SELENOS: variants seen among roughly 807,000 people sequenced by gnomAD.
SELENOS encodes the protein VCP interacting membrane selenoprotein.
SELENOS carries 37 observed loss-of-function variants against 30.2 expected under a neutral mutation model. The observed-to-expected ratio is 1.23, with a 90% CI of 0.94 to 1.61. The LOEUF is 1.61. Among genes scored for constraint, SELENOS ranks in the 40% most tolerant of loss-of-function variants. SELENOS has a pLI of 0.00. For missense variants in SELENOS, 289 were observed against 231.8 expected (o/e 1.25, Z -1.60); for synonymous variants, 119 against 91.6 (o/e 1.30, Z -1.71).
Position 101,272,576 on chromosome 15 carries a change from G to T in SELENOS, c.*195C>A. ...CAATCACTGTCTCCAAGTAGAATGT[G>T]ACCAATGACCTCATGCCTAGAGGCA... On this transcript the variant is annotated 3_prime_UTR_variant, in exon 6 of 6. Transcript: ENST00000526049. The T allele has an allele frequency of 1.9e-6, 1 of 537,640 alleles. No individual in the cohort carries two copies. 33.3% of individuals were successfully genotyped at this position (537,640 alleles called of 1,614,324 possible). A position where few individuals can be genotyped will look rare whatever the true frequency, so the allele number is the denominator to read the frequency against.
At position 101,272,763 on chromosome 15, in the gene SELENOS, C is replaced by T; in HGVS notation, c.*8G>A. 6.2e-7 allele frequency: 1 copy of T among 1,603,038 alleles called. No individual in the cohort carries two copies. The highest frequency in any genetic ancestry group is 8.5e-7 in the Non-Finnish European group (1 of 1,174,758). On this transcript the variant is annotated 3_prime_UTR_variant, in exon 6 of 6. Transcript: ENST00000526049. ...TTGCTAATGTCAAAAGTGACACTAA[C>T]AAGATTCTTAGCCTCATCCGCCAGA...
rs1291175263 is a variant in SELENOS, at chr15:101,274,441, T to G, written c.463A>C (p.Arg155=). The G allele has an allele frequency of 2.5e-6, 4 of 1,608,956 alleles. No individual in the cohort carries two copies. The highest frequency in any genetic ancestry group is 2.5e-6 in the Non-Finnish European group (3 of 1,177,494). ...TTACCTCCTCCCCGCAAAGGCTTTC[T>G]GTCCGATTTCCGTTTCAGGACAGAT... ...TSSVLKRKSD[R]KPLRGGGYNP... Residue 155 remains arginine, a synonymous_variant, in exon 5 of 6, where the codon AGA becomes CGA. Transcript: ENST00000526049.
chr15:101,274,979 G>GCA (rs74782847), intron 3 of SELENOS: 17 of 557,776 alleles, frequency 3.0e-5, no homozygotes, highest in Non-Finnish European at 4.1e-5. Context: ...ACAGGCACAT[G>GCA]CACACACACA....
Position 101,272,964 on chromosome 15 carries a change from G to C in SELENOS, c.485-108C>G, listed in dbSNP as rs1030318304. 2.2e-4 allele frequency: 209 copies of C among 934,850 alleles called. 1 individual carries two copies. In the South Asian group the frequency reaches 3.1e-3, roughly 14 times the overall value. 57.9% of individuals were successfully genotyped at this position (934,850 alleles called of 1,614,324 possible). ...AGAGTGACACGCAAAGCACTGCAAA[G>C]ATACAGATCCTAAGGGACATTTAAA... On this transcript the variant is annotated intron_variant, in intron 5 of 5. Transcript: ENST00000526049.
intron 5 of SELENOS, 188 bp downstream of exon 5, chr15:101,274,232 A>G: frequency 1.5e-6 from 1 of 673,898 alleles, no homozygotes; most frequent in Non-Finnish European, 2.5e-6. Context: ...TACTATAAGT[A>G]CAATCCTTCT....
rs747452950 is a variant in SELENOS, at chr15:101,272,776, C to T, written c.565G>A (p.Gly189Ser). The change falls in exon 6 of 6, where the codon GGC (glycine) becomes AGC (serine). Residue 189 changes from glycine (G) to serine (S), a missense_variant. Gly to Ser is a moderately conservative substitution (Grantham distance 56). Transcript: ENST00000526049. ...AAGTGACACTAACAAGATTCTTAGCCTCATCCGCCAGATGACGGGCCTCTG... is the reference window on the plus strand; with the variant it reads ...AAGTGACACTAACAAGATTCTTAGCTTCATCCGCCAGATGACGGGCCTCTG... ...GRRGPSSGGU[G>S] 4.0e-5 allele frequency: 65 copies of T among 1,607,296 alleles called. No homozygotes were observed. The highest frequency in any genetic ancestry group is 1.0e-4 in the Admixed American group (6 of 59,154).
chr15:101,274,251 A>C (rs1273852911), intron 5 of SELENOS, 169 bp downstream of exon 5: 3 of 729,186 alleles, frequency 4.1e-6, no homozygotes, highest in East Asian at 5.4e-5. Context: ...CTAAGTACTT[A>C]GTGAGGACCT....
Position 101,272,497 on chromosome 15 carries a change from T to C in SELENOS, c.*274A>G, listed in dbSNP as rs2039278416. ...AGGCCTCTTTTATCAAGATTGCTAA[T>C]CATCTAGAGGCCTTTACCTACCAAC... On this transcript the variant is annotated 3_prime_UTR_variant, in exon 6 of 6. Transcript: ENST00000526049. 1 of 359,810 alleles carries C rather than the reference T, an allele frequency of 2.8e-6. No homozygotes were observed. The highest frequency in any genetic ancestry group is 5.0e-5 in the East Asian group (1 of 19,896). 22.3% of individuals were successfully genotyped at this position (359,810 alleles called of 1,614,324 possible).
chr15:101,271,996 A>C (rs1233519464), downstream of SELENOS, among the ~76,000 whole-genome samples: 1 of 152,240 alleles, frequency 6.6e-6, no homozygotes, highest in Non-Finnish European at 1.5e-5. Flanking sequence ...GTCACGTAGA[A>C]ACCTGGTCAG....
chr15:101,276,368 C>T, intron 2 of SELENOS, 173 bp downstream of exon 2: 2 of 794,302 alleles, frequency 2.5e-6, no homozygotes, highest in East Asian at 3.2e-5. Context: ...CCCGCCTCAG[C>T]CTCCTGAGCA....
At chr15:101,277,197 G>A (rs1171768251) in intron 1 of SELENOS, 145 bp downstream of exon 1, 1 of 1,370,950 alleles carries the variant, frequency 7.3e-7, no homozygotes, top group Non-Finnish European at 1.0e-6. Context: ...CGGGCCTGCT[G>A]CCCAAGGTCC....
Position 101,277,366 on chromosome 15 carries a change from C to G in SELENOS, c.52G>C (p.Gly18Arg), listed in dbSNP as rs1333155574. The G allele has an allele frequency of 5.3e-6, 8 of 1,513,696 alleles. No homozygotes were observed. The East Asian group carries it at 2.1e-4, about 40-fold the overall frequency. The allele number at this position is 1,513,696 out of a possible 1,614,324, so 93.8% of individuals were successfully genotyped here. Residue 18 changes from glycine to arginine, a missense_variant, in exon 1 of 6, where the codon GGG (glycine) becomes CGG (arginine). By Grantham distance (125) the Gly-to-Arg change is moderately radical. Coordinates refer to ENST00000526049, the MANE Select transcript of SELENOS (RefSeq NM_018445.6). ...LSARPALETE[G>R]LRFLHTTVGS... Reference sequence around the variant, plus strand: ...CCCGTGGTGTGCAGGAAGCGCAGCCCCTCGGTCTCCAGGGCCGGCCGCGCG... The same window carrying G: ...CCCGTGGTGTGCAGGAAGCGCAGCCGCTCGGTCTCCAGGGCCGGCCGCGCG...
At chr15:101,274,292 G>C (rs1380052195) in intron 5 of SELENOS, 128 bp downstream of exon 5, 2 of 1,098,932 alleles carry the variant, frequency 1.8e-6, no homozygotes, top group East Asian at 5.2e-5. Context: ...TTCCTTTATT[G>C]AATCTTCACA....
chr15:101,274,632 T>G lies in SELENOS; in HGVS notation c.368A>C (p.Gln123Pro). The G allele has an allele frequency of 6.2e-7, 1 of 1,613,734 alleles. No individual in the cohort carries two copies. Among genetic ancestry groups the G allele is most frequent in the Non-Finnish European group, 8.5e-7 (1 of 1,179,836 alleles). The change falls in exon 4 of 6, where the codon CAA becomes CCA. Residue 123 changes from glutamine to proline, a missense_variant. By Grantham distance (76) the Gln-to-Pro change is moderately conservative. Coordinates refer to ENST00000526049, the MANE Select transcript of SELENOS (RefSeq NM_018445.6). ...ATTTCCTTTGTAACTTTTTCCTTCT[T>G]GCATGCTGTCCCACATTTCAATCTT... ...RQKIEMWDSM[Q>P]EGKSYKGNAK...
intron 3 of SELENOS, 141 bp downstream of exon 3, chr15:101,275,114 G>A (rs1312895393): frequency 3.0e-6 from 2 of 662,896 alleles, no homozygotes; most frequent in Middle Eastern, 5.3e-4. Flanking sequence ...ATACTTACAT[G>A]GTAGGAACTG....
At position 101,276,555 on chromosome 15, in the gene SELENOS, G is replaced by C. The variant is rs2039329082; in HGVS notation, c.197C>G (p.Ala66Gly). The C allele has an allele frequency of 1.2e-6, 2 of 1,607,828 alleles. No individual in the cohort carries two copies. The highest frequency in any genetic ancestry group is 1.7e-6 in the Non-Finnish European group (2 of 1,178,146). ...RALRQRQLDRAAAAVEPDVVV... is the reference protein window; with the variant it reads ...RALRQRQLDRGAAAVEPDVVV... ...CAGGCACTAACCCACAGCAGCCGCA[G>C]CTCGGTCCAGCTGCCTCTGCCTCAA... Residue 66 changes from alanine (A) to glycine (G), a missense_variant, in exon 2 of 6, where the codon GCT becomes GGT. Ala to Gly is a moderately conservative substitution (Grantham distance 60). Coordinates refer to ENST00000526049, the MANE Select transcript of SELENOS (RefSeq NM_018445.6).
At chr15:101,274,952 T>C in intron 3 of SELENOS, 1 of 576,636 alleles carries the variant, frequency 1.7e-6, no homozygotes. Flanking sequence ...CAGGACATTT[T>C]TGGTAATGGG....
intron 2 of SELENOS, 147 bp downstream of exon 2, chr15:101,276,394 G>A (rs1334268435): frequency 9.0e-7 from 1 of 1,108,430 alleles, no homozygotes; most frequent in Non-Finnish European, 1.2e-6. Context: ...GACTACAGGT[G>A]CGTGCCGCCA....
At chr15:101,271,023 C>T (rs943033614), downstream of SELENOS, 2 of 152,160 alleles carry the variant, frequency 1.3e-5, no homozygotes, top group South Asian at 2.1e-4. Flanking sequence ...CTTAAACATA[C>T]CCCTCTACTT....
Sources: gnomAD v4.1 joint callset for allele counts (sites outside exome capture counted in the v4.1 genomes callset) on GRCh38, gnomAD v4.1.1 for gene constraint, MANE v1.5 for transcripts, NCBI Gene and HGNC (gene_info 2026-07-23, HGNC 2026-07-21) for gene names.